ANK2: variants seen among roughly 807,000 people sequenced by gnomAD.
ANK2 encodes ankyrin 2.
In ANK2, 83 loss-of-function variants were observed where a neutral mutation model predicts 360.5. The ratio of observed to expected loss-of-function variants is 0.23; its 90% CI spans 0.19 to 0.28. The LOEUF (loss-of-function observed/expected upper bound fraction) is 0.28, where lower values mean the gene tolerates loss of function less well. Ranked by LOEUF, ANK2 falls within the 10% of genes least tolerant of loss-of-function variation. The pLI is 1.00. For synonymous variants in ANK2, 1,740 were observed against 1,759.5 expected (o/e 0.99, Z 0.28); for missense variants, 4,201 against 4,795.7 (o/e 0.88, Z 3.66).
chr4:112,741,563 G>A, the ANK2 span, among the ~76,000 whole-genome samples: 5 of 152,288 alleles, frequency 3.3e-5, no homozygotes, highest in East Asian at 9.6e-4. Context: ...CCATACAGAC[G>A]CCTAGTGTAA....
At chr4:112,936,293 ATAAT>A (rs1349795751) in intron 2 of ANK2, among the ~76,000 whole-genome samples, 1 of 152,158 alleles carries the variant, frequency 6.6e-6, no homozygotes, top group African/African-American at 2.4e-5. Context: ...GATAACACTA[ATAAT>A]TAATATGTAT....
Position 113,145,989 on chromosome 4 carries a change from G to A in ANK2, c.85-28427G>A, listed in dbSNP as rs7689214. ...TGGCTGTAACAGTGAGGACGTCAAA[G>A]AACCTGGAGTGTGGGTAAGTTTTAG... On this transcript the variant is annotated intron_variant, in intron 1 of 45. Coordinates refer to ENST00000357077, the MANE Select transcript of ANK2 (RefSeq NM_001148.6). The A allele has an allele frequency of 0.19, 240,719 of 1,289,524 alleles. 23,612 individuals carry two copies. The highest frequency in any genetic ancestry group is 0.31 in the African/African-American group (20,475 of 65,896). The allele number at this position is 1,289,524 out of a possible 1,614,324, so 79.9% of individuals were successfully genotyped here.
chr4:112,887,600 C>T (rs1353559904), intron 1 of ANK2, among the ~76,000 whole-genome samples: 1 of 152,108 alleles, frequency 6.6e-6, no homozygotes. Context: ...ATACACTCTT[C>T]AATTTTTGTA....
chr4:112,988,988 G>C (rs576275025), intron 2 of ANK2, among the ~76,000 whole-genome samples: 1 of 152,184 alleles, frequency 6.6e-6, no homozygotes, highest in African/African-American at 2.4e-5. Flanking sequence ...TGTTTTCTCT[G>C]TGTAGACAAA....
intron 2 of ANK2, among the ~76,000 whole-genome samples, chr4:112,958,660 T>C (rs2032779008): frequency 6.6e-6 from 1 of 152,024 alleles, no homozygotes; most frequent in South Asian, 2.1e-4. Flanking sequence ...GCTGCTCTTG[T>C]TTTAAAGATT....
intron 41 of ANK2, among the ~76,000 whole-genome samples, chr4:113,366,784 T>A (rs1346001378): frequency 6.6e-6 from 1 of 152,254 alleles, no homozygotes; most frequent in East Asian, 1.9e-4. Context: ...TGGTTTACTT[T>A]TCTCCCAATA....
chr4:112,849,244 C>A (rs540662625), intron 1 of ANK2, among the ~76,000 whole-genome samples: 1 of 152,262 alleles, frequency 6.6e-6, no homozygotes, highest in East Asian at 1.9e-4. Flanking sequence ...TGTGACAAAA[C>A]CAAGCTTAAT....
intron 4 of ANK2, among the ~76,000 whole-genome samples, chr4:113,206,719 C>T (rs1055231608): frequency 2.6e-5 from 4 of 152,190 alleles, no homozygotes; most frequent in South Asian, 2.1e-4. Context: ...AGATGAGAAT[C>T]GATGTCTTTA....
the ANK2 span, among the ~76,000 whole-genome samples, chr4:112,754,027 G>A: frequency 2.0e-5 from 3 of 150,386 alleles, no homozygotes; most frequent in African/African-American, 2.5e-5. Flanking sequence ...GAACCCGGGA[G>A]GCAGAGGTTG....
chr4:113,337,278 CT>C (rs1423055179), intron 31 of ANK2, among the ~76,000 whole-genome samples: 1 of 152,140 alleles, frequency 6.6e-6, no homozygotes, highest in Non-Finnish European at 1.5e-5. Flanking sequence ...TATCATTGAT[CT>C]ATTGAACTAA....
At chr4:113,079,092 C>T (rs2081291344) in intron 1 of ANK2, among the ~76,000 whole-genome samples, 1 of 152,118 alleles carries the variant, frequency 6.6e-6, no homozygotes, top group African/African-American at 2.4e-5. Flanking sequence ...CCTTAAGGGT[C>T]CTACCTCCTA....
At position 113,179,103 on chromosome 4, in the gene ANK2, G is replaced by C. The variant is rs538735754; in HGVS notation, c.186+4586G>C. Among the ~76,000 whole-genome samples the C allele has an allele frequency of 1.8e-4, 28 of 152,298 alleles. No individual in the cohort carries two copies. The East Asian group carries it at 2.9e-3, about 16-fold the overall frequency. ...TCAAATACAATATAGAACAGGAAAT[G>C]ATTTCTAAATACCCAGGAAAGTAAA... On this transcript the variant is annotated intron_variant, in intron 2 of 45. Coordinates refer to ENST00000357077, the MANE Select transcript of ANK2 (RefSeq NM_001148.6).
chr4:112,711,848 A>G, the ANK2 span, among the ~76,000 whole-genome samples: 2 of 150,850 alleles, frequency 1.3e-5, no homozygotes, highest in African/African-American at 4.8e-5. Flanking sequence ...AAAAATAAAA[A>G]TAAAAAATAA....
At chr4:113,222,357 T>C (rs987405678) in intron 4 of ANK2, among the ~76,000 whole-genome samples, 1 of 151,994 alleles carries the variant, frequency 6.6e-6, no homozygotes, top group African/African-American at 2.4e-5. Flanking sequence ...AATTGTCCAA[T>C]TGCTAGATAA....
chr4:113,167,707 T>C (rs1003196951), intron 1 of ANK2, among the ~76,000 whole-genome samples: 19 of 152,228 alleles, frequency 1.2e-4, no homozygotes, highest in Non-Finnish European at 1.5e-5. Context: ...TACATACCTG[T>C]TAAACTGCAC....
At chr4:113,274,721 T>A in intron 15 of ANK2, 72 bp downstream of exon 15, 1 of 1,512,524 alleles carries the variant, frequency 6.6e-7, no homozygotes, top group Middle Eastern at 2.2e-4. Context: ...CTCTACCACA[T>A]ACAGAATCAA....
At chr4:113,296,171 T>C (rs1243570222) in intron 22 of ANK2, among the ~76,000 whole-genome samples, 1 of 152,138 alleles carries the variant, frequency 6.6e-6, no homozygotes, top group East Asian at 1.9e-4. Context: ...AATAGCTTAA[T>C]AGGAATTTTG....
At chr4:113,332,864 G>C in intron 28 of ANK2, 190 bp from the exon 29 acceptor site, 1 of 694,780 alleles carries the variant, frequency 1.4e-6, no homozygotes, top group Non-Finnish European at 2.5e-6. Flanking sequence ...ATGTACCTGA[G>C]GATTGGTGCC....
At chr4:113,252,332 A>G (rs1563184330) in intron 10 of ANK2, among the ~76,000 whole-genome samples, 1 of 152,168 alleles carries the variant, frequency 6.6e-6, no homozygotes, top group East Asian at 1.9e-4. Context: ...TCAAGATGAG[A>G]TTTGGGTGGG....
Sources: allele counts gnomAD v4.1 joint callset (sites outside exome capture counted in the v4.1 genomes callset), GRCh38; gene constraint gnomAD v4.1.1; transcripts MANE v1.5; gene names NCBI Gene and HGNC (gene_info 2026-07-23, HGNC 2026-07-21).